Variants in USP34 observed in about 807,000 individuals in gnomAD.
The protein encoded by USP34 is ubiquitin specific peptidase 34, also known as ubiquitin carboxyl-terminal hydrolase 34.
USP34 carries 70 observed loss-of-function variants against 460.3 expected under a neutral mutation model. The ratio of observed to expected loss-of-function variants is 0.15; its 90% CI spans 0.13 to 0.19. The LOEUF is 0.19. Ranked by LOEUF, USP34 falls within the 10% of genes least tolerant of loss-of-function variation. The pLI, the probability that USP34 is intolerant of heterozygous loss-of-function variation, is 1.00. For synonymous variants in USP34, 1,647 were observed against 1,405.3 expected (o/e 1.17, Z -3.85); for missense variants, 3,985 against 4,236.2 (o/e 0.94, Z 1.65).
chr2:61,448,849 G>C (rs547182114), intron 1 of USP34, among the ~76,000 whole-genome samples: 2 of 152,096 alleles, frequency 1.3e-5, no homozygotes, highest in Non-Finnish European at 2.9e-5. Flanking sequence ...AAAATGTATT[G>C]AATAACAAAA....
In USP34 at chr2:61,399,997, A is replaced by G. The variant is rs1036993805; in HGVS notation, c.553-4764T>C. On this transcript the variant is annotated intron_variant, in intron 3 of 79. Coordinates refer to ENST00000398571, the MANE Select transcript of USP34 (RefSeq NM_014709.4). The stretch of plus-strand genomic sequence containing the variant: ...TAAAGTCTTGCATTTTTTTTCCTCA[A>G]AAACCTCCCATTTACTACATGAGTT... 3.9e-5 allele frequency among the ~76,000 whole-genome samples: 6 copies of G among 151,902 alleles called. No individual in the cohort carries two copies. The East Asian group carries it at 1.2e-3, about 29-fold the overall frequency.
chr2:61,357,412 G>C (rs1027617587), intron 10 of USP34, among the ~76,000 whole-genome samples: 9 of 151,844 alleles, frequency 5.9e-5, no homozygotes, highest in Non-Finnish European at 1.0e-4. Context: ...AATGCAGAAA[G>C]AACAATGTTC....
chr2:61,343,176 C>A (rs751609251), intron 16 of USP34, among the ~76,000 whole-genome samples: 5 of 152,196 alleles, frequency 3.3e-5, no homozygotes, highest in Non-Finnish European at 4.4e-5. Flanking sequence ...ACCAACCAAA[C>A]AAGAGGTTTA....
intron 1 of USP34, among the ~76,000 whole-genome samples, chr2:61,468,092 T>C (rs575792494): frequency 6.6e-6 from 1 of 152,328 alleles, no homozygotes; most frequent in South Asian, 2.1e-4. Context: ...ATGTTCATTA[T>C]CATGCTCCAT....
At chr2:61,253,629 C>G (rs1688644862) in intron 48 of USP34, among the ~76,000 whole-genome samples, 1 of 152,072 alleles carries the variant, frequency 6.6e-6, no homozygotes, top group Non-Finnish European at 1.5e-5. Context: ...TGTATAATGA[C>G]TTTTTATTCT....
At chr2:61,234,097 T>TA (rs1687996569) in intron 57 of USP34, among the ~76,000 whole-genome samples, 2 of 152,208 alleles carry the variant, frequency 1.3e-5, no homozygotes, top group African/African-American at 4.8e-5. Flanking sequence ...TGTGACAGCT[T>TA]ATTATCCCTT....
Position 61,211,887 on chromosome 2 carries a change from G to C in USP34, c.8725C>G (p.Gln2909Glu). The change falls in exon 69 of 80, where the codon CAG becomes GAG. Residue 2909 changes from glutamine to glutamate, a missense_variant. By Grantham distance (29) the Gln-to-Glu change is conservative. Coordinates refer to ENST00000398571, the MANE Select transcript of USP34 (RefSeq NM_014709.4). Reference protein sequence around the residue: ...LFNLMQLFIAQRPDMREEELE... With the variant: ...LFNLMQLFIAERPDMREEELE... ...TCTTCTTCTCTCATATCTGGCCTCT[G>C]AGCTATAAACAGCTGCATCAGGTTA... 1 of 1,608,944 alleles carries C rather than the reference G, an allele frequency of 6.2e-7. No individual in the cohort carries two copies.
intron 8 of USP34, among the ~76,000 whole-genome samples, chr2:61,370,989 A>T (rs1692607303): frequency 6.6e-6 from 1 of 152,206 alleles, no homozygotes; most frequent in Non-Finnish European, 1.5e-5. Flanking sequence ...AAGGATGAAC[A>T]ACAAAAGAAT....
At chr2:61,229,045 C>T in intron 59 of USP34, 50 bp from the exon 60 acceptor site, 1 of 1,379,966 alleles carries the variant, frequency 7.2e-7, no homozygotes, top group South Asian at 1.9e-5. Flanking sequence ...TCTGGAAATA[C>T]TGTTCGAGAG....
intron 53 of USP34, among the ~76,000 whole-genome samples, chr2:61,239,819 T>A (rs1254968116): frequency 2.0e-5 from 3 of 152,144 alleles, no homozygotes; most frequent in African/African-American, 7.2e-5. Context: ...CCATCCTGGC[T>A]AACACAGTGA....
At chr2:61,469,389 C>A (rs1303440020) in intron 1 of USP34, among the ~76,000 whole-genome samples, 3 of 152,030 alleles carry the variant, frequency 2.0e-5, no homozygotes, top group Admixed American at 6.6e-5. Flanking sequence ...ACCGCCTGCG[C>A]CAGAAATAAA....
At chr2:61,354,317 G>A (rs138111064) in intron 10 of USP34, among the ~76,000 whole-genome samples, 31 of 152,268 alleles carry the variant, frequency 2.0e-4, no homozygotes, top group African/African-American at 6.7e-4. Flanking sequence ...CATCCAAAAC[G>A]TTAGAGGCCA....
At chr2:61,432,453 G>A (rs1694705890) in intron 1 of USP34, among the ~76,000 whole-genome samples, 1 of 152,080 alleles carries the variant, frequency 6.6e-6, no homozygotes, top group African/African-American at 2.4e-5. Flanking sequence ...CTCCAGCCTG[G>A]GTGACAGAGT....
At chr2:61,438,964 T>A (rs1694891992) in intron 1 of USP34, among the ~76,000 whole-genome samples, 1 of 152,098 alleles carries the variant, frequency 6.6e-6, no homozygotes, top group East Asian at 1.9e-4. Context: ...AAAAATTCAG[T>A]AAAGTTGCAG....
intron 41 of USP34, among the ~76,000 whole-genome samples, chr2:61,271,051 A>G (rs372706351): frequency 6.6e-6 from 1 of 152,094 alleles, no homozygotes; most frequent in African/African-American, 2.4e-5. Flanking sequence ...TGGGAGGCTA[A>G]GGTGGGCGGA....
At chr2:61,377,641 C>A (rs778491050) in intron 8 of USP34, among the ~76,000 whole-genome samples, 1 of 152,088 alleles carries the variant, frequency 6.6e-6, no homozygotes, top group Non-Finnish European at 1.5e-5. Flanking sequence ...AAGGACCCCA[C>A]CAGAACTTGA....
At chr2:61,285,530 G>GA (rs1689663276) in intron 34 of USP34, among the ~76,000 whole-genome samples, 1 of 145,898 alleles carries the variant, frequency 6.9e-6, no homozygotes, top group Admixed American at 6.8e-5. Context: ...AAAAAGAAAA[G>GA]AAATTACTAA....
At position 61,332,358 on chromosome 2, in the gene USP34, G is replaced by A. The variant is rs1008626874; in HGVS notation, c.2835-987C>T. On this transcript the variant is annotated intron_variant, in intron 19 of 79. Transcript: ENST00000398571. ...CACAGGAGTTCTTTTAAGTGATGTA[G>A]TTTATGAGATTTAGGATACCAATCT... Among the ~76,000 whole-genome samples the A allele has an allele frequency of 3.9e-4, 59 of 152,132 alleles. 1 individual carries two copies. Among genetic ancestry groups the A allele is most frequent in the African/African-American group, 1.4e-3 (59 of 41,546 alleles).
At chr2:61,312,047 A>C (rs1572924233) in intron 25 of USP34, 137 bp from the exon 26 acceptor site, 1 of 1,055,936 alleles carries the variant, frequency 9.5e-7, no homozygotes, top group East Asian at 2.8e-5. Flanking sequence ...CTACAGCAAC[A>C]AATTTAAGTT....
Sources: allele counts gnomAD v4.1 joint callset (sites outside exome capture counted in the v4.1 genomes callset), GRCh38; gene constraint gnomAD v4.1.1; transcripts MANE v1.5; gene names NCBI Gene and HGNC (gene_info 2026-07-23, HGNC 2026-07-21).